Variants in PIGO observed in about 807,000 individuals in gnomAD.
The protein encoded by PIGO is phosphatidylinositol glycan anchor biosynthesis class O.
In PIGO, 66 loss-of-function variants were observed where a neutral mutation model predicts 86.9. The ratio of observed to expected loss-of-function variants is 0.76; its 90% CI spans 0.62 to 0.93. PIGO has a LOEUF of 0.93. PIGO is among the 40% of genes least tolerant of loss of function. The probability of loss-of-function intolerance (pLI) is 0.00; values close to 1 mark genes in which losing one functional copy is unlikely to be tolerated. For synonymous variants in PIGO, 570 were observed against 556.4 expected (o/e 1.02, Z -0.34); for missense variants, 1,202 against 1,359.1 (o/e 0.88, Z 1.82).
rs1460250998 is a variant in PIGO at position 35,095,151 on chromosome 9, T to C, written c.415A>G (p.Thr139Ala). The C allele has an allele frequency of 2.5e-6, 4 of 1,613,964 alleles. No homozygotes were observed. Among genetic ancestry groups the C allele is most frequent in the Non-Finnish European group, 3.4e-6 (4 of 1,180,006 alleles). The change falls in exon 2 of 11, where the codon ACC becomes GCC. Residue 139 changes from threonine (T) to alanine (A), a missense_variant. Coordinates refer to ENST00000378617, the MANE Select transcript of PIGO (RefSeq NM_032634.4). The stretch of plus-strand genomic sequence containing the variant: ...ATAAAGGTAGGCAGTGAGCCAGTGG[T>C]GAGGGCCTTGAGGCGCTGCATGGTG... ...TTTMQRLKAL[T>A]TGSLPTFIDA... is the part of the protein sequence containing the mutation.
chr9:35,093,404 A>C lies in PIGO; in HGVS notation c.939+17T>G, dbSNP rs757214980. On this transcript the variant is annotated intron_variant, in intron 5 of 10. Transcript: ENST00000378617. The stretch of plus-strand genomic sequence containing the variant: ...CTGATTACTGGGAGAACAGATGAGG[A>C]ACATCCCAGGCCTCACCTCTGGTGG... 5.0e-6 allele frequency: 8 copies of C among 1,613,900 alleles called. No homozygotes were observed. In the South Asian group the frequency reaches 8.8e-5, roughly 18 times the overall value.
chr9:35,091,339 A>G lies in PIGO; in HGVS notation c.2548T>C (p.Leu850=). The change falls in exon 7 of 11, where the codon TTG becomes CTG. Residue 850 remains leucine, a synonymous_variant. Transcript: ENST00000378617. ...ACAAGGCTGATGCGCTCCGCATGCA[A>G]CAGCAGAAGTGGGAAGGCCAACAGG... ...LTLLAFPLLL[L]HAERISLVFL... 1 of 1,614,224 alleles carries G rather than the reference A, an allele frequency of 6.2e-7. No homozygotes were observed. The highest frequency in any genetic ancestry group is 1.1e-5 in the South Asian group (1 of 91,082).
At chr9:35,092,820 G>A in intron 6 of PIGO, 53 bp from the exon 7 acceptor site, 2 of 1,495,874 alleles carry the variant, frequency 1.3e-6, no homozygotes, top group Non-Finnish European at 1.8e-6. Context: ...ACATAAATTG[G>A]GGCAGAGGCA....
chr9:35,095,428 G>C lies in PIGO; in HGVS notation c.138C>G (p.Gly46=). 6.2e-7 allele frequency: 1 copy of C among 1,614,116 alleles called. No homozygotes were observed. Among genetic ancestry groups the C allele is most frequent in the African/African-American group, 1.3e-5 (1 of 75,058 alleles). The change falls in exon 2 of 11, where the codon GGC becomes GGG. Residue 46 remains glycine, a synonymous_variant. Transcript: ENST00000378617. The part of the protein sequence containing the change: ...TNHSSCQEPP[G]PGSLPWGSQG... Reference sequence around the variant, plus strand: ...GGCTCCCCCATGGCAGGGACCCAGGGCCTGGGGGCTCTTGGCAGCTGCTAT... The same window carrying C: ...GGCTCCCCCATGGCAGGGACCCAGGCCCTGGGGGCTCTTGGCAGCTGCTAT...
Position 35,088,688 on chromosome 9 carries a change from T to C in PIGO, c.*404A>G, listed in dbSNP as rs1431028171. On this transcript the variant is annotated 3_prime_UTR_variant, in exon 11 of 11. Coordinates refer to ENST00000378617, the MANE Select transcript of PIGO (RefSeq NM_032634.4). The stretch of plus-strand genomic sequence containing the variant: ...GGCTCCCCCACATCTCAGACACACA[T>C]AATTATATTATCATTTTATTACACT... 1 of 173,698 alleles carries C rather than the reference T, an allele frequency of 5.8e-6. No homozygotes were observed. The highest frequency in any genetic ancestry group is 1.3e-5 in the Non-Finnish European group (1 of 79,546). 10.8% of individuals were successfully genotyped at this position (173,698 alleles called of 1,614,324 possible).
chr9:35,093,543 C>T lies in PIGO; in HGVS notation c.817G>A (p.Val273Ile), dbSNP rs776286607. The T allele has an allele frequency of 1.1e-5, 18 of 1,613,940 alleles. No homozygotes were observed. Among genetic ancestry groups the T allele is most frequent in the Non-Finnish European group, 1.4e-5 (17 of 1,179,922 alleles). The stretch of plus-strand genomic sequence containing the variant: ...GTCATCCCATGGTCCCCAGCCACTA[C>T]CAGCAGTGTGTCATTCTCCAGACGC... ...VERLENDTLLVVAGDHGMTTN... is the reference protein window; with the variant it reads ...VERLENDTLLIVAGDHGMTTN... The change falls in exon 5 of 11, where the codon GTA becomes ATA. Residue 273 changes from valine to isoleucine, a missense_variant. Coordinates refer to ENST00000378617, the MANE Select transcript of PIGO (RefSeq NM_032634.4).
At position 35,090,462 on chromosome 9, in the gene PIGO, G is replaced by A. The variant is rs1314186846; in HGVS notation, c.2854+4C>T. The A allele has an allele frequency of 1.2e-6, 2 of 1,606,956 alleles. No individual in the cohort carries two copies. Among genetic ancestry groups the A allele is most frequent in the South Asian group, 2.2e-5 (2 of 90,712 alleles). ...ATGGAAGCAAGTGAAGGAGGAGGGGGTACCTGCAAAGAGGAGGTGGGAGGC... is the reference window on the plus strand; with the variant it reads ...ATGGAAGCAAGTGAAGGAGGAGGGGATACCTGCAAAGAGGAGGTGGGAGGC... On this transcript the variant is annotated splice_donor_region_variant and intron_variant, in intron 8 of 10. Coordinates refer to ENST00000378617, the MANE Select transcript of PIGO (RefSeq NM_032634.4).
chr9:35,095,686 C>G, intron 1 of PIGO, 120 bp from the exon 2 acceptor site: 1 of 1,239,668 alleles, frequency 8.1e-7, no homozygotes, highest in Non-Finnish European at 1.1e-6. Flanking sequence ...GGAGATAAAC[C>G]ATTTCACAGC....
chr9:35,095,414 G>T lies in PIGO; in HGVS notation c.152C>A (p.Pro51Gln). The stretch of plus-strand genomic sequence containing the variant: ...CCCAGGTTTCCCTTGGCTCCCCCAT[G>T]GCAGGGACCCAGGGCCTGGGGGCTC... ...CQEPPGPGSLPWGSQGKPGAC... is the reference protein window; with the variant it reads ...CQEPPGPGSLQWGSQGKPGAC... Residue 51 changes from proline (P) to glutamine (Q), a missense_variant, in exon 2 of 11, where the codon CCA becomes CAA. Pro to Gln is a moderately conservative substitution (Grantham distance 76). Transcript: ENST00000378617. 1 of 1,614,118 alleles carries T rather than the reference G, an allele frequency of 6.2e-7. No individual in the cohort carries two copies. The highest frequency in any genetic ancestry group is 8.5e-7 in the Non-Finnish European group (1 of 1,180,008).
rs1554672011 is a variant in PIGO, at chr9:35,090,156, C to T, written c.2979G>A (p.Leu993=). Residue 993 remains leucine (L), a synonymous_variant, in exon 9 of 11, where the codon CTG becomes CTA. Coordinates refer to ENST00000378617, the MANE Select transcript of PIGO (RefSeq NM_032634.4). ...GCGCATCCCGGAGCCGCATCTCCAT[C>T]AGTGGCTCCTCTTCCTCCTCGGGTC... ...RVRPEEEEEP[L]MEMRLRDAPQ... The T allele has an allele frequency of 1.2e-6, 2 of 1,614,252 alleles. No individual in the cohort carries two copies. Among genetic ancestry groups the T allele is most frequent in the East Asian group, 4.5e-5 (2 of 44,888 alleles).
chr9:35,093,328 TG>T (rs1177821397), intron 5 of PIGO, 92 bp downstream of exon 5: 3 of 1,583,952 alleles, frequency 1.9e-6, no homozygotes, highest in Non-Finnish European at 2.6e-6. Context: ...ATCATGGATT[TG>T]GGGGCCTAAA....
In PIGO at chr9:35,092,446, G is replaced by A. The variant is rs146556990; in HGVS notation, c.1441C>T (p.Pro481Ser). 5.6e-6 allele frequency: 9 copies of A among 1,614,154 alleles called. No individual in the cohort carries two copies. The highest frequency in any genetic ancestry group is 1.7e-5 in the Admixed American group (1 of 60,012). ...CAGGCCACAGGTGTCAGGAGTAGAG[G>A]GCAGAATGGAAAGCCTGGGGATATT... ...WAISPGFPFC[P>S]LLLTPVAWGL... The change falls in exon 7 of 11, where the codon CCT becomes TCT. Residue 481 changes from proline to serine, a missense_variant. Physicochemically the swap from Pro to Ser is moderately conservative, Grantham distance 74. Coordinates refer to ENST00000378617, the MANE Select transcript of PIGO (RefSeq NM_032634.4).
At chr9:35,094,963 G>A (rs368647840) in intron 2 of PIGO, 92 bp downstream of exon 2, 3 of 1,467,916 alleles carry the variant, frequency 2.0e-6, no homozygotes, top group Admixed American at 2.2e-5. Flanking sequence ...AATCAAGTGT[G>A]CATCTGGGCA....
At chr9:35,092,866 A>C (rs1829497933) in intron 6 of PIGO, 99 bp from the exon 7 acceptor site, 2 of 1,388,984 alleles carry the variant, frequency 1.4e-6, no homozygotes, top group East Asian at 2.3e-5. Flanking sequence ...CCTGGAAGTC[A>C]AGGACCCAAA....
At chr9:35,095,889 A>G (rs1829650102) in intron 1 of PIGO, 2 of 209,856 alleles carry the variant, frequency 9.5e-6, no homozygotes, top group East Asian at 1.1e-4. Flanking sequence ...CTGTAGTCTC[A>G]GCTACTGGGG....
At position 35,095,244 on chromosome 9, in the gene PIGO, G is replaced by T; in HGVS notation, c.322C>A (p.Gln108Lys). ...LPFLGKLSSLQRILEIQPHHA... is the reference protein window; with the variant it reads ...LPFLGKLSSLKRILEIQPHHA... ...TGGGGCTGAATCTCCAGGATCCTCT[G>T]CAAGGAGCTTAGTTTGCCCAGGAAG... The change falls in exon 2 of 11, where the codon CAG (glutamine) becomes AAG (lysine). Residue 108 changes from glutamine (Q) to lysine (K), a missense_variant. By Grantham distance (53) the Gln-to-Lys change is moderately conservative (BLOSUM62 1). Coordinates refer to ENST00000378617, the MANE Select transcript of PIGO (RefSeq NM_032634.4). The T allele has an allele frequency of 6.2e-7, 1 of 1,614,174 alleles. No individual in the cohort carries two copies. The highest frequency in any genetic ancestry group is 8.5e-7 in the Non-Finnish European group (1 of 1,180,028).
rs1564001515 is a variant in PIGO, at chr9:35,095,050, C to CT, written c.511+4dup. 1 of 1,580,984 alleles carries CT rather than the reference C, an allele frequency of 6.3e-7. No homozygotes were observed. Among genetic ancestry groups the CT allele is most frequent in the East Asian group, 2.3e-5 (1 of 44,424 alleles). On this transcript the variant is annotated splice_donor_region_variant and intron_variant, in intron 2 of 10. Transcript: ENST00000378617. ...CTTCTGGCCTTCAAAGTGGCCCACACTGACCTGCACTGGTGAGCTGCTTAA... is the reference window on the plus strand; with the variant it reads ...CTTCTGGCCTTCAAAGTGGCCCACACTTGACCTGCACTGGTGAGCTGCTTAA...
At position 35,092,011 on chromosome 9, in the gene PIGO, T is replaced by C. The variant is rs1563997053; in HGVS notation, c.1876A>G (p.Ile626Val). Residue 626 changes from isoleucine to valine, a missense_variant, in exon 7 of 11, where the codon ATT (isoleucine) becomes GTT (valine). Physicochemically the swap from Ile to Val is conservative, Grantham distance 29 (BLOSUM62 3). Coordinates refer to ENST00000378617, the MANE Select transcript of PIGO (RefSeq NM_032634.4). Reference protein sequence around the residue: ...HNGAYALRLGIGLLLCTRLAG... With the variant: ...HNGAYALRLGVGLLLCTRLAG... ...AGCCTTGTACATAAAAGCAACCCAA[T>C]TCCAAGCCTCAGGGCATATGCACCA... 6.2e-7 allele frequency: 1 copy of C among 1,614,166 alleles called. No homozygotes were observed. Among genetic ancestry groups the C allele is most frequent in the Non-Finnish European group, 8.5e-7 (1 of 1,180,032 alleles).
At position 35,093,987 on chromosome 9, in the gene PIGO, G is replaced by C. The variant is rs1587173214; in HGVS notation, c.693C>G (p.Phe231Leu). 5 of 1,614,058 alleles carry C rather than the reference G, an allele frequency of 3.1e-6. No homozygotes were observed. Among genetic ancestry groups the C allele is most frequent in the Non-Finnish European group, 4.2e-6 (5 of 1,180,042 alleles). ...TGTGGCCACAGTGGTCCACACCCAG[G>C]AAGTGAGCAATCAGCACGTCCCATT... is the stretch of plus-strand genomic sequence containing the variant. ...SGEWDVLIAH[F>L]LGVDHCGHKH... Residue 231 changes from phenylalanine to leucine, a missense_variant, in exon 4 of 11, where the codon TTC becomes TTG. Transcript: ENST00000378617.
Sources: allele counts gnomAD v4.1 joint callset, GRCh38; gene constraint gnomAD v4.1.1; transcripts MANE v1.5; gene names NCBI Gene and HGNC (gene_info 2026-07-23, HGNC 2026-07-21).